The following GPC6 variants were observed in gnomAD, a reference collection of about 807,000 sequenced individuals.
GPC6 encodes the protein glypican 6.
A neutral mutation model predicts 55.2 loss-of-function variants in GPC6; 14 were observed. The ratio of observed to expected loss-of-function variants is 0.25; its 90% CI spans 0.17 to 0.40. The LOEUF is 0.40. Among genes scored for constraint, GPC6 ranks in the 10% least tolerant of loss-of-function variants. The pLI is 1.00. For missense variants in GPC6, 641 were observed against 708.5 expected, an observed-to-expected ratio of 0.90 and a Z score of 1.08; for synonymous variants, 278 against 259.6, an observed-to-expected ratio of 1.07 and a Z score of -0.68.
chr13:93,990,366 G>A (rs1184541337), intron 3 of GPC6, among the ~76,000 whole-genome samples: 1 of 151,920 alleles, frequency 6.6e-6, no homozygotes, highest in East Asian at 1.9e-4. Flanking sequence ...ATGAAACACT[G>A]TGACTTTCAG....
intron 1 of GPC6, among the ~76,000 whole-genome samples, chr13:93,390,020 C>T (rs1011271549): frequency 6.8e-6 from 1 of 147,622 alleles, no homozygotes; most frequent in Admixed American, 7.1e-5. Flanking sequence ...GAAAGAGAGA[C>T]AGGCATTTTT....
At chr13:93,600,910 A>G (rs1041875418) in intron 2 of GPC6, among the ~76,000 whole-genome samples, 1 of 143,586 alleles carries the variant, frequency 7.0e-6, no homozygotes, top group African/African-American at 2.6e-5. Context: ...AGATCACACC[A>G]TGGCACTCCA....
intron 2 of GPC6, among the ~76,000 whole-genome samples, chr13:93,732,952 C>T (rs1175611659): frequency 6.6e-6 from 1 of 151,706 alleles, no homozygotes; most frequent in East Asian, 1.9e-4. Flanking sequence ...TCTTTGAAAT[C>T]CAGTGTGTAT....
chr13:94,119,720 G>A (rs929665315), intron 4 of GPC6, among the ~76,000 whole-genome samples: 1 of 152,122 alleles, frequency 6.6e-6, no homozygotes, highest in Admixed American at 6.6e-5. Flanking sequence ...AGATCTCAGA[G>A]TGCCTTGTAG....
At chr13:93,353,873 C>T (rs7985067) in intron 1 of GPC6, among the ~76,000 whole-genome samples, 49,694 of 152,070 alleles carry the variant, frequency 0.33, 9,418 homozygotes, top group East Asian at 0.79. Context: ...TCTCATCTGT[C>T]TCTGACAAAA....
chr13:93,731,078 G>T (rs1883802741), intron 2 of GPC6, among the ~76,000 whole-genome samples: 1 of 152,146 alleles, frequency 6.6e-6, no homozygotes, highest in South Asian at 2.1e-4. Flanking sequence ...TGTCATGAGG[G>T]AGTGTGGGAT....
chr13:93,726,316 G>A (rs1055232139), intron 2 of GPC6, among the ~76,000 whole-genome samples: 26 of 152,086 alleles, frequency 1.7e-4, no homozygotes, highest in Non-Finnish European at 4.4e-5. Flanking sequence ...GTTTGAAATA[G>A]CTCTTTGTCA....
At chr13:93,361,826 A>T (rs1302737403) in intron 1 of GPC6, among the ~76,000 whole-genome samples, 2 of 152,116 alleles carry the variant, frequency 1.3e-5, no homozygotes, top group African/African-American at 4.8e-5. Context: ...GTAAGGGCAA[A>T]AGGAGTTTCT....
intron 1 of GPC6, among the ~76,000 whole-genome samples, chr13:93,356,318 A>T (rs944283663): frequency 6.6e-6 from 1 of 152,228 alleles, no homozygotes; most frequent in Non-Finnish European, 1.5e-5. Context: ...GTAGAGCAAG[A>T]GTTCAAGATA....
chr13:93,302,731 T>G (rs911017714), intron 1 of GPC6, among the ~76,000 whole-genome samples: 1 of 152,194 alleles, frequency 6.6e-6, no homozygotes, highest in Non-Finnish European at 1.5e-5. Flanking sequence ...TGTATTTGTG[T>G]GAGACTCAAT....
At chr13:94,310,915 A>G (rs538975179) in intron 6 of GPC6, among the ~76,000 whole-genome samples, 2 of 152,222 alleles carry the variant, frequency 1.3e-5, no homozygotes, top group Admixed American at 1.3e-4. Flanking sequence ...TTCTTGTGCT[A>G]ATAAGAACAA....
intron 1 of GPC6, among the ~76,000 whole-genome samples, chr13:93,318,893 C>G (rs1314564391): frequency 2.0e-5 from 3 of 152,122 alleles, no homozygotes; most frequent in African/African-American, 7.2e-5. Flanking sequence ...ATAGCTTTCC[C>G]TGCATGAACA....
chr13:93,368,114 G>T (rs1198368062), intron 1 of GPC6, among the ~76,000 whole-genome samples: 1 of 151,704 alleles, frequency 6.6e-6, no homozygotes, highest in Non-Finnish European at 1.5e-5. Flanking sequence ...TCTGTTTTTT[G>T]TTGCAAACAC....
chr13:93,354,137 G>T, intron 1 of GPC6, among the ~76,000 whole-genome samples: 1 of 152,102 alleles, frequency 6.6e-6, no homozygotes, highest in South Asian at 2.1e-4. Flanking sequence ...TTGACCATTA[G>T]TTTACCTCCC....
chr13:94,084,880 T>A (rs1885225545), intron 4 of GPC6, among the ~76,000 whole-genome samples: 1 of 151,840 alleles, frequency 6.6e-6, no homozygotes, highest in Non-Finnish European at 1.5e-5. Context: ...GGCAGAGGAG[T>A]TGGAAATCTC....
intron 1 of GPC6, among the ~76,000 whole-genome samples, chr13:93,492,029 TTAAAG>T (rs1159640226): frequency 1.4e-4 from 20 of 141,706 alleles, no homozygotes; most frequent in African/African-American, 4.6e-4. Context: ...CATATGAACT[TTAAAG>T]TAGTTTTTTC....
chr13:93,289,726 GT>G lies in GPC6; in HGVS notation c.160+62113del, dbSNP rs375665687. The stretch of plus-strand genomic sequence containing the variant: ...GGCACATTTTATTTTATTTTGAGCC[GT>G]TTGAGATGTATGTGAATTCCAATTT... On this transcript the variant is annotated intron_variant, in intron 1 of 8. Coordinates refer to ENST00000377047, the MANE Select transcript of GPC6 (RefSeq NM_005708.5). 3.8e-3 allele frequency among the ~76,000 whole-genome samples: 571 copies of G among 152,022 alleles called. 1 individual carries two copies. Among genetic ancestry groups the G allele is most frequent in the African/African-American group, 0.012 (511 of 41,466 alleles).
chr13:93,425,103 C>T (rs1040623021), intron 1 of GPC6, among the ~76,000 whole-genome samples: 5 of 151,966 alleles, frequency 3.3e-5, no homozygotes, highest in African/African-American at 1.2e-4. Flanking sequence ...AAAAAATTTT[C>T]AAAAATTAAT....
chr13:94,265,163 C>T (rs74721920), intron 4 of GPC6, among the ~76,000 whole-genome samples: 2,418 of 151,944 alleles, frequency 0.016, 58 homozygotes, highest in African/African-American at 0.054. Flanking sequence ...AGATAACTGG[C>T]GTGTAATATG....
Sources: gnomAD v4.1 joint callset for allele counts (sites outside exome capture counted in the v4.1 genomes callset) on GRCh38, gnomAD v4.1.1 for gene constraint, MANE v1.5 for transcripts, NCBI Gene and HGNC (gene_info 2026-07-23, HGNC 2026-07-21) for gene names.